The following GOLT1B variants were observed in gnomAD, a reference collection of about 807,000 sequenced individuals.
GOLT1B encodes the protein golgi transport 1B, also known as vesicle transport protein GOT1B.
A neutral mutation model predicts 15.4 loss-of-function variants in GOLT1B; 3 were observed. The observed-to-expected ratio is 0.19, with a 90% CI of 0.09 to 0.50. The LOEUF is 0.50. Among genes scored for constraint, GOLT1B ranks in the 20% least tolerant of loss-of-function variants. The pLI is 0.97. For synonymous variants in GOLT1B, 65 were observed against 56.2 expected (o/e 1.16, Z -0.70); for missense variants, 145 against 160.4 (o/e 0.90, Z 0.52).
In GOLT1B at chr12:21,517,010, A is replaced by C. The variant is rs370523396; in HGVS notation, c.*1303A>C. ...ATGTGACAGCTTTAGTGGTAGATGT[A>C]GGGAAACATTTCAACAGCCATAGTA... On this transcript the variant is annotated 3_prime_UTR_variant, in exon 5 of 5. Transcript: ENST00000229314. The C allele has an allele frequency of 5.2e-5, 8 of 152,640 alleles. No individual in the cohort carries two copies. Among genetic ancestry groups the C allele is most frequent in the African/African-American group, 1.9e-4 (8 of 41,588 alleles). The allele number at this position is 152,640 out of a possible 1,614,324, so 9.5% of individuals were successfully genotyped here. A position where few individuals can be genotyped will look rare whatever the true frequency, so the allele number is the denominator to read the frequency against.
intron 3 of GOLT1B, among the ~76,000 whole-genome samples, chr12:21,510,228 G>T (rs1192538823): frequency 6.6e-6 from 1 of 152,166 alleles, no homozygotes; most frequent in Non-Finnish European, 1.5e-5. Flanking sequence ...CACTAGAAGA[G>T]ACTAGGAAAA....
chr12:21,509,574 T>A (rs1181173831), intron 3 of GOLT1B, among the ~76,000 whole-genome samples: 1 of 152,180 alleles, frequency 6.6e-6, no homozygotes, highest in Non-Finnish European at 1.5e-5. Context: ...AATCTCTCAT[T>A]TCTATTATGG....
At chr12:21,512,842 A>G (rs1943729415) in intron 4 of GOLT1B, among the ~76,000 whole-genome samples, 2 of 152,218 alleles carry the variant, frequency 1.3e-5, no homozygotes, top group African/African-American at 2.4e-5. Flanking sequence ...AGGTGGGTGA[A>G]TTGCTTGAGC....
At chr12:21,514,041 C>T (rs926778996) in intron 4 of GOLT1B, among the ~76,000 whole-genome samples, 1 of 152,192 alleles carries the variant, frequency 6.6e-6, no homozygotes, top group African/African-American at 2.4e-5. Flanking sequence ...TGTCTCTTAG[C>T]CTACCTCCTC....
chr12:21,509,035 G>T (rs1301038324), intron 3 of GOLT1B, among the ~76,000 whole-genome samples: 5 of 152,128 alleles, frequency 3.3e-5, no homozygotes, highest in Admixed American at 6.5e-5. Flanking sequence ...TACTATGGGA[G>T]ATTTTGAGCA....
intron 1 of GOLT1B, among the ~76,000 whole-genome samples, chr12:21,504,885 A>G (rs916494657): frequency 2.6e-5 from 4 of 152,204 alleles, no homozygotes; most frequent in Non-Finnish European, 5.9e-5. Context: ...TGCGTCCCCC[A>G]GAAGTTCAGA....
At chr12:21,508,875 C>CGGTAGGTA (rs769486303) in intron 3 of GOLT1B, among the ~76,000 whole-genome samples, 84 of 136,216 alleles carry the variant, frequency 6.2e-4, no homozygotes, top group South Asian at 4.2e-3. Flanking sequence ...ATCGATCAAT[C>CGGTAGGTA]GGTAGGTAGG....
chr12:21,515,673 T>C lies in GOLT1B; in HGVS notation c.383T>C (p.Val128Ala). The C allele has an allele frequency of 2.2e-6, 3 of 1,368,274 alleles. No homozygotes were observed. Among genetic ancestry groups the C allele is most frequent in the Non-Finnish European group, 3.1e-6 (3 of 966,236 alleles). The allele number at this position is 1,368,274 out of a possible 1,614,324, so 84.8% of individuals were successfully genotyped here. A position where few individuals can be genotyped will look rare whatever the true frequency, so the allele number is the denominator to read the frequency against. The part of the protein sequence containing the change: ...LLNLPGIRSF[V>A]DKVGESNNMV ...CTGTTTTTCTTCTCCTTACAGTTTG[T>C]AGATAAAGTTGGAGAAAGCAACAAT... Residue 128 changes from valine (V) to alanine (A), a missense_variant, in exon 5 of 5, where the codon GTA (valine) becomes GCA (alanine). Val to Ala is a moderately conservative substitution (Grantham distance 64). Transcript: ENST00000229314.
rs767113881 is a variant in GOLT1B, at chr12:21,501,931, C to T, written c.8C>T (p.Ser3Phe). 2.5e-6 allele frequency: 4 copies of T among 1,609,326 alleles called. No individual in the cohort carries two copies. Among genetic ancestry groups the T allele is most frequent in the Non-Finnish European group, 2.6e-6 (3 of 1,175,676 alleles). ...GTCCCCACCACTGCAGCCATGATCTCCTTAACGGACACGCAGAGTAAGCAC... is the reference window on the plus strand; with the variant it reads ...GTCCCCACCACTGCAGCCATGATCTTCTTAACGGACACGCAGAGTAAGCAC... MI[S>F]LTDTQKIGMG... Residue 3 changes from serine to phenylalanine, a missense_variant, in exon 1 of 5, where the codon TCC (serine) becomes TTC (phenylalanine). Physicochemically the swap from Ser to Phe is radical, Grantham distance 155. Coordinates refer to ENST00000229314, the MANE Select transcript of GOLT1B (RefSeq NM_016072.5).
intron 1 of GOLT1B, among the ~76,000 whole-genome samples, chr12:21,506,631 T>C (rs796182508): frequency 5.9e-5 from 9 of 152,178 alleles, no homozygotes; most frequent in African/African-American, 2.2e-4. Flanking sequence ...TTTTTTATTA[T>C]AGCTATGTCT....
chr12:21,508,537 T>C lies in GOLT1B; in HGVS notation c.272T>C (p.Ile91Thr), dbSNP rs1049146374. The C allele has an allele frequency of 2.7e-5, 43 of 1,573,446 alleles. No homozygotes were observed. Among genetic ancestry groups the C allele is most frequent in the Middle Eastern group, 1.7e-4 (1 of 6,012 alleles). The change falls in exon 3 of 5, where the codon ATT becomes ACT. Residue 91 changes from isoleucine to threonine, a missense_variant. By Grantham distance (89) the Ile-to-Thr change is moderately conservative. Coordinates refer to ENST00000229314, the MANE Select transcript of GOLT1B (RefSeq NM_016072.5). Reference sequence around the variant, plus strand: ...CCTTTGATAGGCATGATCTTCGAAATTTATGGATTTTTTCTCTTGTTCAGG... The same window carrying C: ...CCTTTGATAGGCATGATCTTCGAAACTTATGGATTTTTTCTCTTGTTCAGG... ...GWPLIGMIFE[I>T]YGFFLLFRGF...
intron 3 of GOLT1B, 106 bp downstream of exon 3, chr12:21,508,667 A>G: frequency 1.5e-6 from 1 of 656,078 alleles, no homozygotes; most frequent in Non-Finnish European, 2.7e-6. Context: ...ATTTCCTTAA[A>G]TGGAATTTTA....
intron 2 of GOLT1B, chr12:21,507,281 C>A: frequency 4.1e-6 from 1 of 245,422 alleles, no homozygotes; most frequent in Non-Finnish European, 8.0e-6. Context: ...AGTTTCATGT[C>A]TTGATAAATC....
intron 1 of GOLT1B, among the ~76,000 whole-genome samples, chr12:21,504,068 T>C (rs1318891769): frequency 6.6e-6 from 1 of 152,240 alleles, no homozygotes; most frequent in Admixed American, 6.5e-5. Context: ...TAAAAAATTG[T>C]GAATAAGATA....
intron 4 of GOLT1B, chr12:21,515,107 A>G: frequency 2.0e-6 from 1 of 509,034 alleles, no homozygotes; most frequent in Admixed American, 3.4e-5. Context: ...ATTTATGCTT[A>G]CATCATTAAA....
intron 3 of GOLT1B, among the ~76,000 whole-genome samples, chr12:21,509,733 T>C (rs1377954470): frequency 2.0e-5 from 3 of 152,102 alleles, no homozygotes; most frequent in South Asian, 2.1e-4. Flanking sequence ...GAAGAATGGG[T>C]AAGAATTTAT....
At chr12:21,512,263 A>T in intron 3 of GOLT1B, 32 bp from the exon 4 acceptor site, 1 of 1,056,162 alleles carries the variant, frequency 9.5e-7, no homozygotes, top group Non-Finnish European at 1.4e-6. Flanking sequence ...AAAATGTGTA[A>T]ATATTAAGAA....
intron 4 of GOLT1B, among the ~76,000 whole-genome samples, chr12:21,514,827 C>T (rs941074340): frequency 6.6e-6 from 1 of 151,960 alleles, no homozygotes; most frequent in Non-Finnish European, 1.5e-5. Flanking sequence ...TGTTTCTTAT[C>T]GTTATTCATC....
chr12:21,509,396 C>CAAAAAAAAAAAAAAAAAAAAA (rs71053318), intron 3 of GOLT1B, among the ~76,000 whole-genome samples: 1 of 74,040 alleles, frequency 1.4e-5, no homozygotes, highest in African/African-American at 5.6e-5. Flanking sequence ...GACTCTGTCT[C>CAAAAAAAAAAAAAAAAAAAAA]AAAAAAAAAA....
Sources: gnomAD v4.1 joint callset for allele counts (sites outside exome capture counted in the v4.1 genomes callset) on GRCh38, gnomAD v4.1.1 for gene constraint, MANE v1.5 for transcripts, NCBI Gene and HGNC (gene_info 2026-07-23, HGNC 2026-07-21) for gene names.